Variants in PHKA1 observed in about 807,000 individuals in gnomAD.
PHKA1 encodes the protein phosphorylase kinase regulatory subunit alpha 1, also known as phosphorylase b kinase regulatory subunit alpha, skeletal muscle isoform.
Under a neutral mutation model 110.2 loss-of-function variants are expected in PHKA1, and 60 were observed. The ratio of observed to expected loss-of-function variants is 0.54; its 90% confidence interval spans 0.44 to 0.68. The LOEUF (loss-of-function observed/expected upper bound fraction) is 0.68, where lower values mean the gene tolerates loss of function less well. PHKA1 is among the 30% of genes least tolerant of loss of function. The pLI is 0.00. For synonymous variants in PHKA1, 316 were observed against 333.6 expected, an observed-to-expected ratio of 0.95 and a Z score of 0.58; for missense variants, 801 against 942.5, an observed-to-expected ratio of 0.85 and a Z score of 1.97.
In PHKA1 at chrX:72,653,395, C is replaced by G. The variant is rs782025765; in HGVS notation, c.1137+40G>C. Reference sequence around the variant, plus strand: ...GTAGTCTGATCAAGGTACTGCTCCTCTTCTCTATCAGCTACATGTTATGGC... The same window carrying G: ...GTAGTCTGATCAAGGTACTGCTCCTGTTCTCTATCAGCTACATGTTATGGC... On this transcript the variant is annotated intron_variant, in intron 11 of 31. Transcript: ENST00000373542. 11 of 882,207 alleles carry G rather than the reference C, an allele frequency of 1.2e-5. No individual in the cohort carries two copies. In the South Asian group the frequency reaches 2.0e-4, roughly 16 times the overall value. The allele number at this position is 882,207 out of a possible 1,213,427, so 72.7% of individuals were successfully genotyped here. A position where few individuals can be genotyped will look rare whatever the true frequency, so the allele number is the denominator to read the frequency against.
At chrX:72,689,012 C>T (rs2054001301) in intron 4 of PHKA1, 1 of 111,294 alleles carries the variant, frequency 9.0e-6, no homozygotes, top group African/African-American at 3.3e-5. Flanking sequence ...GGTGAGTACA[C>T]ATAAAATGAG....
rs1414031646 is a variant in PHKA1 at position 72,689,972 on chromosome X, C to A, written c.455-5392G>T. ...TATTTCTTTCAAAATTAATGATGTT[C>A]ACTATCCTTTCATGTACTTATTGGT... On this transcript the variant is annotated intron_variant, in intron 4 of 31. Transcript: ENST00000373542. 2.7e-5 allele frequency among the ~76,000 whole-genome samples: 3 copies of A among 111,874 alleles called. No homozygotes were observed. The East Asian group carries it at 8.4e-4, about 31-fold the overall frequency.
chrX:72,650,554 A>AC (rs2053417622), intron 12 of PHKA1, 86 bp from the exon 13 acceptor site: 2 of 710,055 alleles, frequency 2.8e-6, no homozygotes, highest in Admixed American at 2.6e-5. Flanking sequence ...TATGCCCATA[A>AC]CCTTGCACCA....
At chrX:72,595,753 A>T (rs1467760433) in intron 28 of PHKA1, among the ~76,000 whole-genome samples, 3 of 111,787 alleles carry the variant, frequency 2.7e-5, no homozygotes, top group Admixed American at 9.5e-5. Context: ...ATCACCTCAC[A>T]CCTGTTAGGA....
In PHKA1 at chrX:72,623,220, T is replaced by C; in HGVS notation, c.1849A>G (p.Ser617Gly). Residue 617 changes from serine to glycine, a missense_variant, in exon 18 of 32, where the codon AGC becomes GGC. Physicochemically the swap from Ser to Gly is moderately conservative, Grantham distance 56. Around this residue, in one of 2 missense-constraint regions of PHKA1, gnomAD observed 502 missense variants for 519.2 expected, o/e 0.97. Coordinates refer to ENST00000373542, the MANE Select transcript of PHKA1 (RefSeq NM_002637.4). ...CCCTCAGGTCCAGGGTCCATGAAGC[T>C]CAAGTGTGTGCAACAAGATGTTGTC... ...FLTTSCCTHL[S>G]FMDPGPEGKL... 3 of 1,210,102 alleles carry C rather than the reference T, an allele frequency of 2.5e-6. No individual in the cohort carries two copies. The highest frequency in any genetic ancestry group is 3.4e-6 in the Non-Finnish European group (3 of 894,490).
rs139803629 is a variant in PHKA1 at position 72,611,092 on chromosome X, C to T, written c.2462G>A (p.Arg821His). Reference sequence around the variant, plus strand: ...AATGTATCGGATCAGGCCCCAGTGACGAATTTCTCCCACTTTGCCATACAG... The same window carrying T: ...AATGTATCGGATCAGGCCCCAGTGATGAATTTCTCCCACTTTGCCATACAG... Reference protein sequence around the residue: ...TELYGKVGEIRHWGLIRYISG... With the variant: ...TELYGKVGEIHHWGLIRYISG... The change falls in exon 22 of 32, where the codon CGT becomes CAT. Residue 821 changes from arginine (R) to histidine (H), a missense_variant. Transcript: ENST00000373542. 5,348 of 1,203,695 alleles carry T rather than the reference C, an allele frequency of 4.4e-3. 12 individuals are homozygous for T. Among genetic ancestry groups the T allele is most frequent in the Non-Finnish European group, 5.6e-3 (4,980 of 889,961 alleles).
chrX:72,636,548 T>C (rs1375071932), intron 14 of PHKA1, among the ~76,000 whole-genome samples, 162 bp from the exon 15 acceptor site: 1 of 112,143 alleles, frequency 8.9e-6, no homozygotes. Context: ...ATTGTCTTCT[T>C]TTTACAGTTT....
Position 72,674,435 on chromosome X carries a change from T to G in PHKA1, c.618+1635A>C, listed in dbSNP as rs782539852. On this transcript the variant is annotated intron_variant, in intron 6 of 31. Coordinates refer to ENST00000373542, the MANE Select transcript of PHKA1 (RefSeq NM_002637.4). ...TACAGTCCCACCAACAGTGTAAAAG[T>G]GTTCCTATTTGTCCACATCCTCTCC... Among the ~76,000 whole-genome samples, 58 of 111,271 alleles carry G rather than the reference T, an allele frequency of 5.2e-4. No individual in the cohort carries two copies. In the Middle Eastern group the frequency reaches 0.023, roughly 44 times the overall value.
intron 28 of PHKA1, 125 bp from the exon 29 acceptor site, chrX:72,593,399 T>C: frequency 1.9e-6 from 1 of 513,824 alleles, no homozygotes; most frequent in Non-Finnish European, 3.3e-6. Context: ...TGCAGTGGCG[T>C]GGCGCAATCT....
chrX:72,660,692 G>T, intron 8 of PHKA1: 1 of 321,436 alleles, frequency 3.1e-6, no homozygotes, highest in Non-Finnish European at 6.0e-6. Flanking sequence ...GAATAAATTG[G>T]CAGAAGAATG....
At chrX:72,603,052 C>T (rs1390249235) in intron 26 of PHKA1, 67 bp downstream of exon 26, 2 of 731,118 alleles carry the variant, frequency 2.7e-6, no homozygotes, top group Admixed American at 2.5e-5. Flanking sequence ...GAAGGAAAAA[C>T]ATTTTAAAAC....
At chrX:72,686,779 A>G (rs1315772762) in intron 4 of PHKA1, among the ~76,000 whole-genome samples, 3 of 112,269 alleles carry the variant, frequency 2.7e-5, no homozygotes, top group African/African-American at 9.7e-5. Context: ...ACATTTTAGT[A>G]TACTTTGTTC....
At chrX:72,627,914 T>C (rs1448367208) in intron 16 of PHKA1, among the ~76,000 whole-genome samples, 1 of 103,498 alleles carries the variant, frequency 9.7e-6, no homozygotes, top group East Asian at 3.1e-4. Flanking sequence ...GCCTCCCGGG[T>C]TCACGCCATT....
At chrX:72,651,410 C>T (rs1435753554) in intron 12 of PHKA1, among the ~76,000 whole-genome samples, 1 of 110,710 alleles carries the variant, frequency 9.0e-6, no homozygotes, top group African/African-American at 3.3e-5. Context: ...GTGGTGCGTG[C>T]CTGTAATCCT....
At chrX:72,602,975 A>T (rs2052676990) in intron 26 of PHKA1, 144 bp downstream of exon 26, 1 of 484,388 alleles carries the variant, frequency 2.1e-6, no homozygotes, top group South Asian at 2.9e-5. Context: ...ATCTTGTTCC[A>T]GAAGACAGCT....
chrX:72,634,249 A>G lies in PHKA1; in HGVS notation c.1714+906T>C, dbSNP rs1192319905. ...AGTTTTTAAATGGGTACTTGTGTTA[A>G]CTGTCTTAAGTAATGAAGAAAGACA... On this transcript the variant is annotated intron_variant, in intron 16 of 31. Coordinates refer to ENST00000373542, the MANE Select transcript of PHKA1 (RefSeq NM_002637.4). 8.0e-5 allele frequency among the ~76,000 whole-genome samples: 9 copies of G among 112,125 alleles called. No homozygotes were observed. In the Admixed American group the frequency reaches 8.5e-4, roughly 11 times the overall value.
chrX:72,612,708 T>C (rs1194013841), intron 21 of PHKA1, among the ~76,000 whole-genome samples: 1 of 111,758 alleles, frequency 8.9e-6, no homozygotes, highest in Non-Finnish European at 1.9e-5. Flanking sequence ...TTTTCAACAA[T>C]AGCTGCAACA....
At chrX:72,607,056 A>AT (rs1195973906) in intron 23 of PHKA1, among the ~76,000 whole-genome samples, 47 of 110,825 alleles carry the variant, frequency 4.2e-4, no homozygotes, top group African/African-American at 1.4e-3. Context: ...ACAGGATCTC[A>AT]TTTTTTTTGT....
intron 28 of PHKA1, among the ~76,000 whole-genome samples, chrX:72,595,714 T>C (rs1556233206): frequency 9.0e-6 from 1 of 111,583 alleles, no homozygotes. Flanking sequence ...CTAATCATCA[T>C]GGAAATGCGG....
Sources: gnomAD v4.1 joint callset for allele counts (sites outside exome capture counted in the v4.1 genomes callset) on GRCh38, gnomAD v4.1.1 for gene constraint, gnomAD v4.1.1 regional missense constraint, MANE v1.5 for transcripts, NCBI Gene and HGNC (gene_info 2026-07-23, HGNC 2026-07-21) for gene names.